The following UCK2 variants were observed in gnomAD, a reference collection of about 807,000 sequenced individuals.
The protein encoded by UCK2 is uridine-cytidine kinase 2.
In UCK2, 6 loss-of-function variants were observed where a neutral mutation model predicts 30.8. That is an observed-to-expected ratio of 0.19 (90% confidence interval 0.11 to 0.38). The LOEUF (loss-of-function observed/expected upper bound fraction) is 0.38, where lower values mean the gene tolerates loss of function less well. UCK2 is among the 10% of genes least tolerant of loss of function. The pLI, the probability that UCK2 is intolerant of heterozygous loss-of-function variation, is 1.00. For synonymous variants in UCK2, 125 were observed against 133.6 expected (o/e 0.94, Z 0.45); for missense variants, 210 against 339.8 (o/e 0.62, Z 3.00).
At chr1:165,882,797 TG>T (rs1655529578) in intron 1 of UCK2, among the ~76,000 whole-genome samples, 2 of 152,112 alleles carry the variant, frequency 1.3e-5, no homozygotes, top group Non-Finnish European at 2.9e-5. Context: ...GTGTGAATTT[TG>T]GGGGGACACA....
chr1:165,896,727 C>G (rs1647271185), intron 4 of UCK2, among the ~76,000 whole-genome samples: 2 of 152,232 alleles, frequency 1.3e-5, no homozygotes, highest in East Asian at 3.8e-4. Flanking sequence ...ATAGGATCCC[C>G]TGTGCCTGAA....
At chr1:165,841,163 G>T (rs1234916517) in intron 1 of UCK2, among the ~76,000 whole-genome samples, 1 of 150,618 alleles carries the variant, frequency 6.6e-6, no homozygotes, top group Non-Finnish European at 1.5e-5. Flanking sequence ...CATGATCCTA[G>T]CAAAATCCTA....
At chr1:165,888,633 TTTC>T (rs1172296083) in intron 1 of UCK2, among the ~76,000 whole-genome samples, 5 of 146,908 alleles carry the variant, frequency 3.4e-5, no homozygotes, top group African/African-American at 1.0e-4. Context: ...GACCAGTTTC[TTTC>T]TTCTTCTTTT....
intron 1 of UCK2, among the ~76,000 whole-genome samples, chr1:165,855,095 G>GT (rs1654707624): frequency 6.6e-6 from 1 of 152,296 alleles, no homozygotes; most frequent in Admixed American, 6.5e-5. Context: ...AGTGCAGATG[G>GT]TTAGCCAGCC....
At chr1:165,891,365 G>T in intron 3 of UCK2, 43 bp downstream of exon 3, 1 of 1,566,000 alleles carries the variant, frequency 6.4e-7, no homozygotes, top group African/African-American at 1.4e-5. Flanking sequence ...CCACTGCTCC[G>T]CAGAGCATCC....
chr1:165,868,578 A>G (rs114830448), intron 1 of UCK2, among the ~76,000 whole-genome samples: 1,551 of 152,324 alleles, frequency 0.01, 25 homozygotes, highest in African/African-American at 0.036. Flanking sequence ...TCTTAACTTA[A>G]GCCTCATGAT....
intron 1 of UCK2, among the ~76,000 whole-genome samples, chr1:165,853,122 G>A (rs1379360382): frequency 6.6e-6 from 1 of 152,164 alleles, no homozygotes; most frequent in African/African-American, 2.4e-5. Context: ...ATAGAGAACA[G>A]GTTTTAATGC....
chr1:165,866,669 T>C (rs1040156831), intron 1 of UCK2, among the ~76,000 whole-genome samples: 3 of 152,204 alleles, frequency 2.0e-5, no homozygotes, highest in African/African-American at 7.2e-5. Flanking sequence ...TAAATAATAA[T>C]TCTTCCTCAT....
intron 1 of UCK2, among the ~76,000 whole-genome samples, chr1:165,869,542 A>G (rs1038260960): frequency 6.6e-6 from 1 of 152,034 alleles, no homozygotes; most frequent in Non-Finnish European, 1.5e-5. Flanking sequence ...CATTCCTGCC[A>G]GCAGTGCACA....
intron 1 of UCK2, among the ~76,000 whole-genome samples, chr1:165,880,845 G>C (rs1362078765): frequency 6.6e-6 from 1 of 152,070 alleles, no homozygotes; most frequent in Non-Finnish European, 1.5e-5. Flanking sequence ...TCTCACATGA[G>C]CAGTGTAGAT....
chr1:165,879,672 C>G (rs960318265), intron 1 of UCK2, among the ~76,000 whole-genome samples: 5 of 151,686 alleles, frequency 3.3e-5, no homozygotes, highest in Admixed American at 2.6e-4. Context: ...TTTGGGAGTT[C>G]TTTTCTCTTT....
At chr1:165,890,678 C>T (rs766627787) in intron 2 of UCK2, 1 of 325,896 alleles carries the variant, frequency 3.1e-6, no homozygotes, top group African/African-American at 2.1e-5. Context: ...TGCCTCTGAT[C>T]TGAGGCAGCC....
chr1:165,846,485 C>G (rs894066606), intron 1 of UCK2, among the ~76,000 whole-genome samples: 1 of 151,996 alleles, frequency 6.6e-6, no homozygotes, highest in Non-Finnish European at 1.5e-5. Context: ...GGAAGTTGGT[C>G]AAGTCTTATC....
chr1:165,847,073 C>A (rs1313896096), intron 1 of UCK2, among the ~76,000 whole-genome samples: 2 of 151,398 alleles, frequency 1.3e-5, no homozygotes, highest in East Asian at 3.9e-4. Flanking sequence ...TGTGTGTGTG[C>A]TTGTATATTG....
chr1:165,837,206 C>A (rs1223036397), intron 1 of UCK2, among the ~76,000 whole-genome samples: 1 of 152,184 alleles, frequency 6.6e-6, no homozygotes, highest in Non-Finnish European at 1.5e-5. Flanking sequence ...AAACCACAGC[C>A]CTTGTGTTCC....
intron 1 of UCK2, among the ~76,000 whole-genome samples, chr1:165,834,263 A>C (rs1654127273): frequency 6.6e-6 from 1 of 152,168 alleles, no homozygotes; most frequent in African/African-American, 2.4e-5. Flanking sequence ...ATTTTGTAGT[A>C]CTTACTAAAT....
intron 1 of UCK2, among the ~76,000 whole-genome samples, chr1:165,834,458 C>T (rs144258397): frequency 3.1e-4 from 47 of 152,048 alleles, no homozygotes; most frequent in African/African-American, 1.1e-3. Flanking sequence ...GAGCAAGACC[C>T]TATATCAGAA....
At chr1:165,833,932 A>G (rs1009277415) in intron 1 of UCK2, among the ~76,000 whole-genome samples, 1 of 152,220 alleles carries the variant, frequency 6.6e-6, no homozygotes. Flanking sequence ...ATATATAAGT[A>G]TAACCCATAT....
intron 2 of UCK2, 75 bp from the exon 3 acceptor site, chr1:165,891,151 A>C: frequency 7.7e-7 from 1 of 1,290,784 alleles, no homozygotes. Flanking sequence ...CATGTTTATG[A>C]GGATGCCTTG....
Sources: allele counts gnomAD v4.1 joint callset (sites outside exome capture counted in the v4.1 genomes callset), GRCh38; gene constraint gnomAD v4.1.1; transcripts MANE v1.5; gene names NCBI Gene and HGNC (gene_info 2026-07-23, HGNC 2026-07-21).